The following SLC26A7 variants were observed in gnomAD, a reference collection of about 807,000 sequenced individuals.
The protein encoded by SLC26A7 is anion exchange transporter.
A neutral mutation model predicts 82.5 loss-of-function variants in SLC26A7; 59 were observed. The ratio of observed to expected loss-of-function variants is 0.72; its 90% CI spans 0.58 to 0.89. SLC26A7 has a LOEUF of 0.89. SLC26A7 is among the 40% of genes least tolerant of loss of function. The probability of loss-of-function intolerance (pLI) is 0.00; values close to 1 mark genes in which losing one functional copy is unlikely to be tolerated. For synonymous variants in SLC26A7, 271 were observed against 274.3 expected, an observed-to-expected ratio of 0.99 and a Z score of 0.12; for missense variants, 820 against 793.0, an observed-to-expected ratio of 1.03 and a Z score of -0.41.
At position 91,241,966 on chromosome 8, in the gene SLC26A7, C is replaced by G. The variant is rs1586314974; in HGVS notation, c.-33-7653C>G. Among the ~76,000 whole-genome samples, 4 of 152,208 alleles carry G rather than the reference C, an allele frequency of 2.6e-5. No homozygotes were observed. In the South Asian group the frequency reaches 6.2e-4, roughly 24 times the overall value. On this transcript the variant is annotated intron_variant, in intron 2 of 5. Coordinates refer to the SLC26A7 transcript ENST00000522862. ...GAATTTTCCCTAGTTTTGAAATTTT[C>G]CCCTACATGTCAAACACTATTTGGC...
intron 4 of SLC26A7, among the ~76,000 whole-genome samples, chr8:91,304,318 G>A (rs897494936): frequency 4.6e-5 from 7 of 152,138 alleles, no homozygotes; most frequent in East Asian, 1.9e-4. Context: ...TCATGGGGGT[G>A]GGTTATTCCC....
intron 9 of SLC26A7, 128 bp from the exon 10 acceptor site, chr8:91,351,681 GT>G (rs1467322156): frequency 1.5e-5 from 10 of 663,272 alleles, no homozygotes; most frequent in Non-Finnish European, 2.4e-5. Context: ...CAATTTAACA[GT>G]TATGTGTCAA....
intron 14 of SLC26A7, among the ~76,000 whole-genome samples, chr8:91,368,878 A>G (rs1814274938): frequency 6.6e-6 from 1 of 152,222 alleles, no homozygotes; most frequent in African/African-American, 2.4e-5. Context: ...GTAGAAATAG[A>G]GAGAGATAAA....
chr8:91,296,660 A>G (rs1275969228), intron 4 of SLC26A7, among the ~76,000 whole-genome samples: 1 of 152,220 alleles, frequency 6.6e-6, no homozygotes, highest in Non-Finnish European at 1.5e-5. Flanking sequence ...TGAAATGAGA[A>G]TAAGAACTCA....
At chr8:91,231,399 T>C (rs1810308293) in intron 2 of SLC26A7, among the ~76,000 whole-genome samples, 1 of 152,080 alleles carries the variant, frequency 6.6e-6, no homozygotes, top group Non-Finnish European at 1.5e-5. Flanking sequence ...ATAGCAAAAA[T>C]ACAGGGACAT....
At chr8:91,255,503 G>C (rs1810777036) in intron 2 of SLC26A7, among the ~76,000 whole-genome samples, 1 of 152,102 alleles carries the variant, frequency 6.6e-6, no homozygotes, top group African/African-American at 2.4e-5. Flanking sequence ...CTCTAACTTA[G>C]CTCCCTTAAT....
chr8:91,281,620 A>G (rs1301784330), intron 2 of SLC26A7, among the ~76,000 whole-genome samples: 1 of 152,214 alleles, frequency 6.6e-6, no homozygotes, highest in Non-Finnish European at 1.5e-5. Context: ...TTAGGTATGC[A>G]TTCTTATAGG....
chr8:91,337,583 G>A (rs1016668135), intron 6 of SLC26A7, among the ~76,000 whole-genome samples: 2 of 152,054 alleles, frequency 1.3e-5, no homozygotes, highest in African/African-American at 4.8e-5. Context: ...AACTCCATAG[G>A]GGTCATTTTA....
chr8:91,228,316 A>T (rs1810264873), intron 2 of SLC26A7, among the ~76,000 whole-genome samples: 1 of 152,228 alleles, frequency 6.6e-6, no homozygotes, highest in Admixed American at 6.5e-5. Flanking sequence ...ATGAAAACTA[A>T]AAGAGCAAGC....
intron 11 of SLC26A7, among the ~76,000 whole-genome samples, chr8:91,353,883 G>A (rs1392774617): frequency 6.6e-6 from 1 of 152,028 alleles, no homozygotes; most frequent in African/African-American, 2.4e-5. Flanking sequence ...ACAGTTATTT[G>A]TGGAGGCAGT....
chr8:91,352,008 G>A, intron 10 of SLC26A7, 121 bp downstream of exon 10: 1 of 832,136 alleles, frequency 1.2e-6, no homozygotes. Flanking sequence ...TGTTACAGAA[G>A]TAAAGTTTGA....
intron 15 of SLC26A7, among the ~76,000 whole-genome samples, chr8:91,385,862 C>T (rs1459503311): frequency 6.6e-6 from 1 of 152,072 alleles, no homozygotes; most frequent in African/African-American, 2.4e-5. Flanking sequence ...GGAACAAAAA[C>T]TTGTTTAAGA....
chr8:91,355,956 C>T lies in SLC26A7; in HGVS notation c.1314+2960C>T, dbSNP rs181031713. 6.0e-3 allele frequency among the ~76,000 whole-genome samples: 909 copies of T among 152,228 alleles called. 4 individuals are homozygous for T. Among genetic ancestry groups the T allele is most frequent in the Non-Finnish European group, 9.8e-3 (665 of 68,030 alleles). On this transcript the variant is annotated intron_variant, in intron 11 of 18. Transcript: ENST00000276609. ...TGTGTTCTCATTGTTCAATTCCCAC[C>T]TATGAGTGAGAACATACAGTGTTTG... is the stretch of plus-strand genomic sequence containing the variant.
intron 2 of SLC26A7, among the ~76,000 whole-genome samples, chr8:91,227,390 T>A (rs1485009812): frequency 6.6e-6 from 1 of 152,210 alleles, no homozygotes; most frequent in Non-Finnish European, 1.5e-5. Context: ...ACTCTTAACA[T>A]CTATGTTGTG....
At chr8:91,299,579 C>T (rs1446628729) in intron 4 of SLC26A7, among the ~76,000 whole-genome samples, 3 of 152,090 alleles carry the variant, frequency 2.0e-5, no homozygotes. Context: ...ACTTAAGATG[C>T]CACCATTATC....
intron 2 of SLC26A7, among the ~76,000 whole-genome samples, chr8:91,258,051 A>G (rs1036186975): frequency 1.3e-5 from 2 of 152,000 alleles, no homozygotes; most frequent in Non-Finnish European, 2.9e-5. Context: ...TGAGAACAGC[A>G]TGGGGGAAAC....
At chr8:91,298,544 G>C (rs1371590112) in intron 4 of SLC26A7, among the ~76,000 whole-genome samples, 3 of 152,060 alleles carry the variant, frequency 2.0e-5, no homozygotes, top group Admixed American at 1.3e-4. Flanking sequence ...GCATGTTAAA[G>C]TCATCATTGT....
intron 5 of SLC26A7, among the ~76,000 whole-genome samples, chr8:91,330,845 G>T (rs1813060553): frequency 6.6e-6 from 1 of 152,086 alleles, no homozygotes; most frequent in African/African-American, 2.4e-5. Flanking sequence ...TTCATCAAAA[G>T]TAATATCTAA....
At chr8:91,388,321 A>G (rs1586481176) in intron 15 of SLC26A7, among the ~76,000 whole-genome samples, 1 of 151,746 alleles carries the variant, frequency 6.6e-6, no homozygotes, top group East Asian at 1.9e-4. Flanking sequence ...ATCTCGGCTC[A>G]CTGCAAGCTC....
Sources: gnomAD v4.1 joint callset for allele counts (sites outside exome capture counted in the v4.1 genomes callset) on GRCh38, gnomAD v4.1.1 for gene constraint, MANE v1.5 for transcripts, NCBI Gene and HGNC (gene_info 2026-07-23, HGNC 2026-07-21) for gene names.